The following LRRTM4 variants were observed in gnomAD, a reference collection of about 807,000 sequenced individuals.
LRRTM4 encodes the protein leucine-rich repeat transmembrane neuronal protein 4.
Under a neutral mutation model 47.6 loss-of-function variants are expected in LRRTM4, and 25 were observed. The ratio of observed to expected loss-of-function variants is 0.53; its 90% CI spans 0.38 to 0.73. The LOEUF is 0.73. Among genes scored for constraint, LRRTM4 ranks in the 30% least tolerant of loss-of-function variants. The pLI is 0.00. For missense variants in LRRTM4, 638 were observed against 713.4 expected, an observed-to-expected ratio of 0.89 and a Z score of 1.20; for synonymous variants, 311 against 269.5, an observed-to-expected ratio of 1.15 and a Z score of -1.51.
intron 3 of LRRTM4, among the ~76,000 whole-genome samples, chr2:77,139,514 C>A (rs1672053247): frequency 6.6e-6 from 1 of 152,074 alleles, no homozygotes; most frequent in Admixed American, 6.5e-5. Context: ...AACCCACAGC[C>A]AATATCATAC....
At position 77,085,219 on chromosome 2, in the gene LRRTM4, A is replaced by G. The variant is rs914522947; in HGVS notation, c.1552-336303T>C. On this transcript the variant is annotated intron_variant, in intron 3 of 3. Transcript: ENST00000409884. Reference sequence around the variant, plus strand: ...CATTTTATTTTATTTCATTTTATATATATGGTAAATCATATAAACTTTTTG... The same window carrying G: ...CATTTTATTTTATTTCATTTTATATGTATGGTAAATCATATAAACTTTTTG... Among the ~76,000 whole-genome samples the G allele has an allele frequency of 6.6e-5, 10 of 152,156 alleles. No individual in the cohort carries two copies. The East Asian group carries it at 1.4e-3, about 21-fold the overall frequency.
chr2:77,369,272 C>T (rs749052907), intron 3 of LRRTM4, among the ~76,000 whole-genome samples: 1 of 151,184 alleles, frequency 6.6e-6, no homozygotes, highest in Non-Finnish European at 1.5e-5. Context: ...TTTTGCTGTA[C>T]AGAAAATTGT....
chr2:77,134,631 T>C (rs1671884414), intron 3 of LRRTM4, among the ~76,000 whole-genome samples: 1 of 152,172 alleles, frequency 6.6e-6, no homozygotes, highest in Admixed American at 6.5e-5. Flanking sequence ...ATTTTCAAAC[T>C]TTAATATTTT....
intron 3 of LRRTM4, among the ~76,000 whole-genome samples, chr2:77,117,084 G>C (rs1315719402): frequency 6.6e-6 from 1 of 152,078 alleles, no homozygotes; most frequent in South Asian, 2.1e-4. Flanking sequence ...CTTTCACTGA[G>C]CATGATAGTT....
intron 3 of LRRTM4, among the ~76,000 whole-genome samples, chr2:77,285,340 T>A (rs7570972): frequency 3.6e-5 from 3 of 82,584 alleles, no homozygotes; most frequent in Non-Finnish European, 7.1e-5. Flanking sequence ...AGCATTAAAT[T>A]TATATATATA....
chr2:77,446,786 T>G (rs1676070388), intron 3 of LRRTM4, among the ~76,000 whole-genome samples: 1 of 152,040 alleles, frequency 6.6e-6, no homozygotes, highest in East Asian at 1.9e-4. Context: ...ACTCTGGCCA[T>G]CTCTAATCCC....
chr2:77,223,439 T>C (rs1048057623), intron 3 of LRRTM4, among the ~76,000 whole-genome samples: 3 of 152,200 alleles, frequency 2.0e-5, no homozygotes, highest in Admixed American at 2.0e-4. Context: ...GCAGATGACA[T>C]GATTGTATAT....
intron 3 of LRRTM4, among the ~76,000 whole-genome samples, chr2:77,078,905 G>C (rs1225451205): frequency 6.6e-6 from 1 of 152,146 alleles, no homozygotes; most frequent in South Asian, 2.1e-4. Flanking sequence ...GACAGATTCT[G>C]TTTCTGGTGA....
chr2:77,183,776 T>A (rs1404207191), intron 3 of LRRTM4, among the ~76,000 whole-genome samples: 1 of 152,170 alleles, frequency 6.6e-6, no homozygotes, highest in Admixed American at 6.6e-5. Context: ...GTTCATGTCC[T>A]TTGTAGGGAC....
At chr2:76,844,529 G>A (rs1382649083) in intron 3 of LRRTM4, among the ~76,000 whole-genome samples, 1 of 152,096 alleles carries the variant, frequency 6.6e-6, no homozygotes, top group South Asian at 2.1e-4. Context: ...TTCCATATCT[G>A]TATCAGCAAA....
intron 3 of LRRTM4, among the ~76,000 whole-genome samples, chr2:76,903,191 G>A (rs1348217934): frequency 6.6e-6 from 1 of 151,994 alleles, no homozygotes; most frequent in Non-Finnish European, 1.5e-5. Flanking sequence ...CTAACACAGT[G>A]AAACCCCGTC....
intron 3 of LRRTM4, among the ~76,000 whole-genome samples, chr2:77,455,219 A>T (rs147661796): frequency 0.013 from 1,915 of 152,286 alleles, 24 homozygotes; most frequent in African/African-American, 0.042. Context: ...TTTAAATGAA[A>T]GTGTTTAAAT....
chr2:77,199,039 G>A (rs1387973376), intron 3 of LRRTM4, among the ~76,000 whole-genome samples: 1 of 152,112 alleles, frequency 6.6e-6, no homozygotes, highest in Admixed American at 6.6e-5. Flanking sequence ...GGTATCTGTA[G>A]ATCTGTTTTA....
At chr2:76,816,653 G>C (rs1172051572) in intron 3 of LRRTM4, among the ~76,000 whole-genome samples, 1 of 151,098 alleles carries the variant, frequency 6.6e-6, no homozygotes, top group African/African-American at 2.4e-5. Context: ...TTAATAATTA[G>C]TTCCCAGATG....
intron 3 of LRRTM4, among the ~76,000 whole-genome samples, chr2:77,407,506 TTTTG>T (rs569482099): frequency 5.2e-4 from 77 of 149,432 alleles, no homozygotes; most frequent in African/African-American, 1.8e-3. Flanking sequence ...TTTGGGGTTT[TTTTG>T]TTTGTTTTGG....
At chr2:77,025,175 G>C (rs183768574) in intron 3 of LRRTM4, among the ~76,000 whole-genome samples, 1 of 152,122 alleles carries the variant, frequency 6.6e-6, no homozygotes, top group Non-Finnish European at 1.5e-5. Context: ...TCCATGACAT[G>C]TCAAGAGATC....
intron 2 of LRRTM4, among the ~76,000 whole-genome samples, chr2:77,520,766 C>T (rs1373984284): frequency 6.6e-6 from 1 of 152,064 alleles, no homozygotes; most frequent in African/African-American, 2.4e-5. Context: ...TTCTCACTGA[C>T]TTTTTTCTCC....
At chr2:77,043,736 A>C (rs1269232524) in intron 3 of LRRTM4, among the ~76,000 whole-genome samples, 1 of 151,774 alleles carries the variant, frequency 6.6e-6, no homozygotes, top group Non-Finnish European at 1.5e-5. Context: ...ATAATCCTAC[A>C]ATCTGGCAGA....
At chr2:76,880,423 A>C (rs946196824) in intron 3 of LRRTM4, among the ~76,000 whole-genome samples, 1 of 152,150 alleles carries the variant, frequency 6.6e-6, no homozygotes, top group Non-Finnish European at 1.5e-5. Context: ...TAGCTGTAAA[A>C]TATTTTTATT....
Sources: allele counts gnomAD v4.1 joint callset (sites outside exome capture counted in the v4.1 genomes callset), GRCh38; gene constraint gnomAD v4.1.1; transcripts MANE v1.5; gene names NCBI Gene and HGNC (gene_info 2026-07-23, HGNC 2026-07-21).